Variants in PDE1A observed in about 807,000 individuals in gnomAD.
The protein encoded by PDE1A is dual specificity calcium/calmodulin-dependent 3',5'-cyclic nucleotide phosphodiesterase 1A.
In PDE1A, 35 loss-of-function variants were observed where a neutral mutation model predicts 61.7. That is an observed-to-expected ratio of 0.57 (90% CI 0.43 to 0.75). PDE1A has a LOEUF of 0.75. PDE1A is among the 30% of genes least tolerant of loss of function. The pLI is 0.00. For synonymous variants in PDE1A, 232 were observed against 213.2 expected (o/e 1.09, Z -0.77); for missense variants, 597 against 630.6 (o/e 0.95, Z 0.57).
chr2:182,424,302 A>G (rs1703470307), intron 1 of PDE1A, among the ~76,000 whole-genome samples: 1 of 152,166 alleles, frequency 6.6e-6, no homozygotes, highest in East Asian at 1.9e-4. Context: ...CCAAGATACT[A>G]TTTTCATAAA....
intron 1 of PDE1A, among the ~76,000 whole-genome samples, chr2:182,288,173 G>A (rs1364385672): frequency 6.6e-6 from 1 of 152,110 alleles, no homozygotes; most frequent in East Asian, 1.9e-4. Flanking sequence ...AATGTTTGTA[G>A]TAATAAAATC....
intron 13 of PDE1A, chr2:182,168,305 A>C (rs1007022495): frequency 6.6e-7 from 1 of 1,503,934 alleles, no homozygotes; most frequent in South Asian, 1.2e-5. Flanking sequence ...AAAAAAAAAA[A>C]GCGTACTTAT....
chr2:182,695,385 G>C, the PDE1A span, among the ~76,000 whole-genome samples: 2 of 152,192 alleles, frequency 1.3e-5, no homozygotes, highest in African/African-American at 4.8e-5. Context: ...AATTGCAGGA[G>C]GTTCAGTGTG....
the PDE1A span, among the ~76,000 whole-genome samples, chr2:182,567,805 T>C: frequency 6.6e-6 from 1 of 151,114 alleles, no homozygotes; most frequent in African/African-American, 2.4e-5. Flanking sequence ...TTTCTTTTTT[T>C]TTTTTGAGAT....
At chr2:182,577,424 C>A in the PDE1A span, among the ~76,000 whole-genome samples, 2 of 152,138 alleles carry the variant, frequency 1.3e-5, no homozygotes. Flanking sequence ...AAACTCTTTC[C>A]CCCAGATGGC....
chr2:182,343,416 A>C (rs1698322953), intron 1 of PDE1A, among the ~76,000 whole-genome samples: 1 of 152,208 alleles, frequency 6.6e-6, no homozygotes. Flanking sequence ...AATAATTCTG[A>C]AGGTTTTCAG....
chr2:182,442,976 A>C (rs1195564078), intron 2 of PDE1A, among the ~76,000 whole-genome samples: 1 of 152,076 alleles, frequency 6.6e-6, no homozygotes, highest in Non-Finnish European at 1.5e-5. Flanking sequence ...GTAATAAATA[A>C]GATGGGTAAT....
intron 13 of PDE1A, among the ~76,000 whole-genome samples, chr2:182,182,107 G>A (rs1344911557): frequency 6.6e-6 from 1 of 151,920 alleles, no homozygotes; most frequent in Non-Finnish European, 1.5e-5. Flanking sequence ...GTCTCTCTGG[G>A]GTAAAAATAC....
intron 1 of PDE1A, among the ~76,000 whole-genome samples, chr2:182,300,233 A>G (rs1341011761): frequency 1.3e-5 from 2 of 152,240 alleles, no homozygotes; most frequent in Admixed American, 1.3e-4. Context: ...AAAGCCTAAT[A>G]TAACAAATAT....
chr2:182,603,551 T>C, the PDE1A span, among the ~76,000 whole-genome samples: 1 of 152,214 alleles, frequency 6.6e-6, no homozygotes, highest in Admixed American at 6.5e-5. Flanking sequence ...GGTTTTGCCA[T>C]GTTGGCCAGG....
In PDE1A at chr2:182,451,378, C is replaced by CAA. The variant is rs1219608685; in HGVS notation, c.101+70896_101+70897dup. ...TGGGCGACAGAGCGAGACTCCGTCT[C>CAA]AAAAAAAAAAAAAAAAAAAAATATT... On this transcript the variant is annotated intron_variant, in intron 2 of 14. Transcript: ENST00000410103. Among the ~76,000 whole-genome samples, 73 of 12,220 alleles carry CAA rather than the reference C, an allele frequency of 6.0e-3. 14 individuals are homozygous for CAA. Among genetic ancestry groups the CAA allele is most frequent in the African/African-American group, 0.021 (64 of 3,046 alleles). The allele number at this position is 12,220 out of a possible 152,430, so 8.0% of individuals were successfully genotyped here.
intron 2 of PDE1A, among the ~76,000 whole-genome samples, chr2:182,511,430 G>A (rs548044405): frequency 2.8e-4 from 42 of 152,234 alleles, no homozygotes; most frequent in Admixed American, 1.7e-3. Context: ...AATAGGTGGG[G>A]AGTGGCCCAC....
intron 1 of PDE1A, among the ~76,000 whole-genome samples, chr2:182,334,975 A>G (rs1240094241): frequency 6.6e-6 from 1 of 152,220 alleles, no homozygotes; most frequent in Non-Finnish European, 1.5e-5. Flanking sequence ...ATTCCTATAC[A>G]CAAATAATAG....
In PDE1A at chr2:182,240,178, C is replaced by CT; in HGVS notation, c.281dup (p.Lys95GlufsTer3). On this transcript the variant is annotated frameshift_variant, in exon 3 of 14. Coordinates refer to ENST00000351439, the Ensembl canonical transcript of PDE1A. LOFTEE classifies it high-confidence loss of function. ...GAAATTTTGGTTTTTCCTCAGGTTTCTTTTTTGTCATCCCCATTTTCCGTG... is the reference window on the plus strand; with the variant it reads ...GAAATTTTGGTTTTTCCTCAGGTTTCTTTTTTTGTCATCCCCATTTTCCGTG... 1.2e-6 allele frequency: 2 copies of CT among 1,613,944 alleles called. No individual in the cohort carries two copies. Among genetic ancestry groups the CT allele is most frequent in the Non-Finnish European group, 1.7e-6 (2 of 1,179,912 alleles).
intron 1 of PDE1A, among the ~76,000 whole-genome samples, chr2:182,374,935 C>A (rs1288693539): frequency 6.6e-6 from 1 of 152,170 alleles, no homozygotes; most frequent in Non-Finnish European, 1.5e-5. Flanking sequence ...ACATGGATGG[C>A]AGCAGGCAAA....
At chr2:182,565,574 C>T in the PDE1A span, among the ~76,000 whole-genome samples, 1 of 152,072 alleles carries the variant, frequency 6.6e-6, no homozygotes, top group Non-Finnish European at 1.5e-5. Flanking sequence ...AGCACAGAAT[C>T]AAAGAGTCCT....
intron 1 of PDE1A, among the ~76,000 whole-genome samples, chr2:182,276,791 A>G (rs1308075020): frequency 6.6e-6 from 1 of 152,006 alleles, no homozygotes; most frequent in Non-Finnish European, 1.5e-5. Flanking sequence ...GAATATTAAT[A>G]ATTAAGACCC....
chr2:182,552,402 C>T, the PDE1A span, among the ~76,000 whole-genome samples: 7 of 150,828 alleles, frequency 4.6e-5, no homozygotes, highest in Non-Finnish European at 8.8e-5. Context: ...CTGGGAACTG[C>T]AGTAGGCAAT....
chr2:182,153,824 A>G (rs1690923086), intron 13 of PDE1A, among the ~76,000 whole-genome samples: 1 of 152,168 alleles, frequency 6.6e-6, no homozygotes, highest in Admixed American at 6.5e-5. Context: ...AAATGGGGTG[A>G]AAATTGAGTC....
Sources: gnomAD v4.1 joint callset for allele counts (sites outside exome capture counted in the v4.1 genomes callset) on GRCh38, gnomAD v4.1.1 for gene constraint, MANE v1.5 for transcripts, NCBI Gene and HGNC (gene_info 2026-07-23, HGNC 2026-07-21) for gene names.